The following RASL10A variants were observed in gnomAD, a reference collection of about 807,000 sequenced individuals.
RASL10A encodes RAS like family 10 member A, also known as ras-like protein family member 10A.
A neutral mutation model predicts 17.3 loss-of-function variants in RASL10A; 13 were observed. That is an observed-to-expected ratio of 0.75 (90% CI 0.49 to 1.20). The LOEUF is 1.20. Ranked by LOEUF, RASL10A falls within the 50% of genes most tolerant of loss-of-function variation. The pLI is 0.00. For synonymous variants in RASL10A, 159 were observed against 142.2 expected (o/e 1.12, Z -0.84); for missense variants, 307 against 310.3 (o/e 0.99, Z 0.08).
At position 29,315,283 on chromosome 22, in the gene RASL10A, C is replaced by T. The variant is rs1470868323; in HGVS notation, c.-37G>A. ...GCTGTCGCTCCCCGCGCTGGAAAGCCTCATGGGCCGGCGCCGCACCGTGCG... is the reference window on the plus strand; with the variant it reads ...GCTGTCGCTCCCCGCGCTGGAAAGCTTCATGGGCCGGCGCCGCACCGTGCG... On this transcript the variant is annotated 5_prime_UTR_variant, in exon 1 of 3. Transcript: ENST00000216101. This position sits in a 1 kb window ranked among gnomAD's most constrained non-coding sequence, Gnocchi z 5.5. 17 of 1,399,828 alleles carry T rather than the reference C, an allele frequency of 1.2e-5. No homozygotes were observed. Among genetic ancestry groups the T allele is most frequent in the Non-Finnish European group, 1.4e-5 (15 of 1,080,772 alleles). The allele number at this position is 1,399,828 out of a possible 1,614,324, so 86.7% of individuals were successfully genotyped here.
Position 29,313,466 on chromosome 22 carries a change from G to A in RASL10A, c.447C>T (p.Arg149=), listed in dbSNP as rs1419997579. 38 of 1,545,956 alleles carry A rather than the reference G, an allele frequency of 2.5e-5. No homozygotes were observed. The highest frequency in any genetic ancestry group is 3.2e-5 in the Non-Finnish European group (37 of 1,151,562). ...GPRRALAALV[R]RGWRCGYLEC... Reference sequence around the variant, plus strand: ...CGAGGTAGCCGCAGCGCCAGCCCCTGCGCACTAGGGCGGCCAGCGCGCGCC... The same window carrying A: ...CGAGGTAGCCGCAGCGCCAGCCCCTACGCACTAGGGCGGCCAGCGCGCGCC... Residue 149 remains arginine, a synonymous_variant, in exon 3 of 3, where the codon CGC becomes CGT. Coordinates refer to ENST00000216101, the MANE Select transcript of RASL10A (RefSeq NM_006477.5).
chr22:29,312,963 G>A lies in RASL10A; in HGVS notation c.*338C>T, dbSNP rs117757283. 1.2e-3 allele frequency: 421 copies of A among 342,236 alleles called. 3 individuals carry two copies. The Middle Eastern group carries it at 0.015, about 12-fold the overall frequency. 21.2% of individuals were successfully genotyped at this position (342,236 alleles called of 1,614,324 possible). A position where few individuals can be genotyped will look rare whatever the true frequency, so the allele number is the denominator to read the frequency against. On this transcript the variant is annotated 3_prime_UTR_variant, in exon 3 of 3. Coordinates refer to ENST00000216101, the MANE Select transcript of RASL10A (RefSeq NM_006477.5). ...TTATTTTCCCTTTTATTATCCCGTG[G>A]TAGGTGTGGCATAAAGAATATGTCC...
rs995291494 is a variant in RASL10A, at chr22:29,314,141, G to C, written c.220-154C>G. 6 of 1,018,554 alleles carry C rather than the reference G, an allele frequency of 5.9e-6. No individual in the cohort carries two copies. In the African/African-American group the frequency reaches 9.8e-5, roughly 17 times the overall value. The allele number at this position is 1,018,554 out of a possible 1,614,324, so 63.1% of individuals were successfully genotyped here. A position where few individuals can be genotyped will look rare whatever the true frequency, so the allele number is the denominator to read the frequency against. ...CAAGCTTTCCGGGCCGTCTCCTCATGACCACCAGGGTAAAATTTTCCAAAT... is the reference window on the plus strand; with the variant it reads ...CAAGCTTTCCGGGCCGTCTCCTCATCACCACCAGGGTAAAATTTTCCAAAT... On this transcript the variant is annotated intron_variant, in intron 1 of 2. Coordinates refer to ENST00000216101, the MANE Select transcript of RASL10A (RefSeq NM_006477.5).
upstream of RASL10A, chr22:29,316,686 TGGCAATGCTCAAGAAATGGC>T (rs758063234): frequency 1.3e-5 from 2 of 152,278 alleles, no homozygotes; most frequent in Admixed American, 6.5e-5. Context: ...GACCTGCACA[TGGCAATGCTCAAGAAATGGC>T]GGCAATGCTC....
At chr22:29,314,820 G>C (rs1391978966) in intron 1 of RASL10A, among the ~76,000 whole-genome samples, 1 of 152,170 alleles carries the variant, frequency 6.6e-6, no homozygotes, top group Non-Finnish European at 1.5e-5. Flanking sequence ...AACGCCCCTG[G>C]GCAAAATCGC....
upstream of RASL10A, among the ~76,000 whole-genome samples, chr22:29,318,248 G>T (rs1208175496): frequency 3.3e-5 from 5 of 152,324 alleles, no homozygotes; most frequent in African/African-American, 1.2e-4. Context: ...CCTAGCAGCA[G>T]TGCCCATTTA....
chr22:29,318,577 T>C (rs2061463565), upstream of RASL10A, among the ~76,000 whole-genome samples: 1 of 152,190 alleles, frequency 6.6e-6, no homozygotes. Context: ...TGTGCAGCCC[T>C]GTGCCAGGCT....
rs1358249182 is a variant in RASL10A, at chr22:29,315,610, G to T, written c.-364C>A. The T allele has an allele frequency of 6.4e-6, 1 of 156,248 alleles. No individual in the cohort carries two copies. Among genetic ancestry groups the T allele is most frequent in the Non-Finnish European group, 1.4e-5 (1 of 70,922 alleles). 9.7% of individuals were successfully genotyped at this position (156,248 alleles called of 1,614,324 possible). On this transcript the variant is annotated 5_prime_UTR_variant, in exon 1 of 3. Transcript: ENST00000216101. The surrounding 1 kb of genome is among the most constrained non-coding windows in gnomAD (Gnocchi z 5.5). Reference sequence around the variant, plus strand: ...GAAGTCCGCCCCTCTCGCGGCGCGGGTCCCGCAGCGGTGCGGGGCGCGGGG... The same window carrying T: ...GAAGTCCGCCCCTCTCGCGGCGCGGTTCCCGCAGCGGTGCGGGGCGCGGGG...
upstream of RASL10A, among the ~76,000 whole-genome samples, chr22:29,318,014 T>C (rs1221235581): frequency 6.6e-5 from 10 of 152,216 alleles, no homozygotes; most frequent in Non-Finnish European, 1.5e-4. Flanking sequence ...GTGTTCTCAA[T>C]GCTAGGCGCA....
rs2061445126 is a variant in RASL10A at position 29,315,086 on chromosome 22, T to C, written c.161A>G (p.Asp54Gly). ...PAVLLDGAVY[D>G]LSIRDGDVAG... ...GACGTCGCCGTCGCGGATGCTCAAG[T>C]CGTAGACGGCGCCGTCGAGCAGCAC... The change falls in exon 1 of 3, where the codon GAC becomes GGC. Residue 54 changes from aspartate to glycine, a missense_variant. Physicochemically the swap from Asp to Gly is moderately conservative, Grantham distance 94. Transcript: ENST00000216101. This position sits in a 1 kb window ranked among gnomAD's most constrained non-coding sequence, Gnocchi z 5.5. 6.6e-7 allele frequency: 1 copy of C among 1,525,682 alleles called. No individual in the cohort carries two copies. Among genetic ancestry groups the C allele is most frequent in the East Asian group, 2.6e-5 (1 of 39,002 alleles). 94.5% of individuals were successfully genotyped at this position (1,525,682 alleles called of 1,614,324 possible).
chr22:29,313,648 A>T, intron 2 of RASL10A, 80 bp from the exon 3 acceptor site: 1 of 1,439,668 alleles, frequency 6.9e-7, no homozygotes, highest in Non-Finnish European at 9.1e-7. Context: ...ACGCAGGCGC[A>T]TTCCCTTCCT....
At chr22:29,314,986 C>T (rs2061444216) in intron 1 of RASL10A, 42 bp downstream of exon 1, 1 of 1,425,640 alleles carries the variant, frequency 7.0e-7, no homozygotes, top group African/African-American at 1.5e-5. Flanking sequence ...ACGCACACCC[C>T]TCACACTGTC....
chr22:29,313,597 G>T (rs1350001185), intron 2 of RASL10A, 29 bp from the exon 3 acceptor site: 23 of 1,507,318 alleles, frequency 1.5e-5, no homozygotes, highest in Non-Finnish European at 1.8e-5. Context: ...TGAGAGACGC[G>T]GGGACCCCAC....
At chr22:29,317,981 C>T (rs777293929), upstream of RASL10A, among the ~76,000 whole-genome samples, 3 of 151,906 alleles carry the variant, frequency 2.0e-5, no homozygotes, top group East Asian at 1.9e-4. Context: ...CCACTGCGCC[C>T]GGCCAGGACG....
intron 1 of RASL10A, among the ~76,000 whole-genome samples, chr22:29,314,579 G>A (rs914581868): frequency 2.0e-5 from 3 of 152,032 alleles, no homozygotes; most frequent in African/African-American, 4.8e-5. Flanking sequence ...ATTACTAAAC[G>A]AGTCTTCGCT....
chr22:29,316,216 A>C (rs1007445970), upstream of RASL10A, among the ~76,000 whole-genome samples: 7 of 152,216 alleles, frequency 4.6e-5, no homozygotes, highest in Non-Finnish European at 1.5e-5. Context: ...CAGGCCCGAG[A>C]GGGGAATCTG....
chr22:29,316,951 G>C (rs976793552), upstream of RASL10A: 1 of 152,256 alleles, frequency 6.6e-6, no homozygotes, highest in South Asian at 2.1e-4. Context: ...GGAAGTAGAG[G>C]AGCTAAATCC....
At chr22:29,318,392 C>T (rs1348194120), upstream of RASL10A, among the ~76,000 whole-genome samples, 1 of 152,230 alleles carries the variant, frequency 6.6e-6, no homozygotes, top group East Asian at 1.9e-4. Context: ...CCCTTGGGCT[C>T]CAGAGCCTGG....
intron 1 of RASL10A, 144 bp downstream of exon 1, chr22:29,314,883 CG>C: frequency 1.4e-6 from 1 of 705,710 alleles, no homozygotes. Flanking sequence ...AGGGCTGAAA[CG>C]CAAGTATCCC....
Sources: allele counts gnomAD v4.1 joint callset (sites outside exome capture counted in the v4.1 genomes callset), GRCh38; gene constraint gnomAD v4.1.1; non-coding constraint Gnocchi (gnomAD v3.1); transcripts MANE v1.5; gene names NCBI Gene and HGNC (gene_info 2026-07-23, HGNC 2026-07-21).